Variants in TMEM135 observed in about 807,000 individuals in gnomAD.
The protein encoded by TMEM135 is transmembrane protein 135.
Under a neutral mutation model 60.3 loss-of-function variants are expected in TMEM135, and 30 were observed. That is an observed-to-expected ratio of 0.50 (90% CI 0.37 to 0.68). TMEM135 has a LOEUF of 0.68. Ranked by LOEUF, TMEM135 falls within the 30% of genes least tolerant of loss-of-function variation. TMEM135 has a pLI of 0.00. For synonymous variants in TMEM135, 190 were observed against 186.7 expected, an observed-to-expected ratio of 1.02 and a Z score of -0.14; for missense variants, 468 against 548.8, an observed-to-expected ratio of 0.85 and a Z score of 1.47.
chr11:87,157,074 G>C (rs1393445014), intron 4 of TMEM135, among the ~76,000 whole-genome samples: 1 of 137,876 alleles, frequency 7.3e-6, no homozygotes, highest in Non-Finnish European at 1.6e-5. Context: ...TCTTTCTTTT[G>C]TTTTTTTTTT....
chr11:87,149,970 A>C (rs1179889716), intron 4 of TMEM135, among the ~76,000 whole-genome samples: 1 of 152,200 alleles, frequency 6.6e-6, no homozygotes, highest in East Asian at 1.9e-4. Context: ...TAATCCCAGC[A>C]CTTTGGGAGG....
intron 5 of TMEM135, among the ~76,000 whole-genome samples, chr11:87,176,403 A>G (rs539597477): frequency 6.6e-6 from 1 of 152,116 alleles, no homozygotes; most frequent in Non-Finnish European, 1.5e-5. Flanking sequence ...CTGCAGAACC[A>G]TGAGCCAAAT....
intron 4 of TMEM135, among the ~76,000 whole-genome samples, chr11:87,114,805 G>C (rs922228347): frequency 2.0e-5 from 3 of 152,170 alleles, no homozygotes; most frequent in African/African-American, 7.2e-5. Context: ...GAGGGGCATA[G>C]CTGTACAGGA....
At chr11:87,309,969 T>G (rs1368229555) in intron 10 of TMEM135, among the ~76,000 whole-genome samples, 2 of 152,174 alleles carry the variant, frequency 1.3e-5, no homozygotes, top group African/African-American at 4.8e-5. Context: ...TATGAATTTT[T>G]TGGATATTTC....
chr11:87,299,115 A>T (rs1450827657), intron 7 of TMEM135, among the ~76,000 whole-genome samples: 2 of 152,130 alleles, frequency 1.3e-5, no homozygotes, highest in South Asian at 4.2e-4. Context: ...AAAACCAAAA[A>T]ACCACAAAAC....
At chr11:87,164,037 G>C (rs1234202925) in intron 5 of TMEM135, among the ~76,000 whole-genome samples, 1,434 of 138,440 alleles carry the variant, frequency 0.01, 27 homozygotes, top group East Asian at 0.05. Context: ...AAGCTCTTTA[G>C]TTTAATCAGA....
At chr11:87,163,284 G>C (rs1270189206) in intron 5 of TMEM135, among the ~76,000 whole-genome samples, 1 of 141,970 alleles carries the variant, frequency 7.0e-6, no homozygotes, top group Non-Finnish European at 1.5e-5. Context: ...GAGAATATGC[G>C]GTGTTTGGTT....
intron 5 of TMEM135, among the ~76,000 whole-genome samples, chr11:87,177,247 T>C (rs963665603): frequency 2.0e-5 from 3 of 152,130 alleles, no homozygotes; most frequent in Admixed American, 6.6e-5. Context: ...TACATCCTAC[T>C]TGTGAGATTT....
In TMEM135 at chr11:87,166,660, C is replaced by T. The variant is rs985042153; in HGVS notation, c.462+9254C>T. 4.0e-5 allele frequency among the ~76,000 whole-genome samples: 6 copies of T among 151,486 alleles called. 1 individual carries two copies. Among genetic ancestry groups the T allele is most frequent in the Non-Finnish European group, 8.8e-5 (6 of 68,002 alleles). On this transcript the variant is annotated intron_variant, in intron 5 of 14. Transcript: ENST00000305494. ...GAGGCCTCTGTTCTGTTCCATTGGC[C>T]TATATATCTGTTTTGGTACCAGTAC...
chr11:87,152,268 T>C (rs1454165300), intron 4 of TMEM135, among the ~76,000 whole-genome samples: 1 of 152,220 alleles, frequency 6.6e-6, no homozygotes, highest in Non-Finnish European at 1.5e-5. Context: ...TTCTTTGTGG[T>C]TTATACTCTT....
At chr11:87,250,356 G>T (rs1030227040) in intron 6 of TMEM135, among the ~76,000 whole-genome samples, 1 of 151,794 alleles carries the variant, frequency 6.6e-6, no homozygotes, top group Non-Finnish European at 1.5e-5. Context: ...TGCTTTTCTA[G>T]TTCTTTAAGA....
chr11:87,193,224 T>G (rs1591092308), intron 5 of TMEM135, among the ~76,000 whole-genome samples: 1 of 152,260 alleles, frequency 6.6e-6, no homozygotes, highest in Middle Eastern at 3.4e-3. Flanking sequence ...AGGTACCTGC[T>G]CTTGAGGAGC....
At chr11:87,085,091 G>A (rs549672572) in intron 3 of TMEM135, among the ~76,000 whole-genome samples, 4 of 152,300 alleles carry the variant, frequency 2.6e-5, no homozygotes, top group Admixed American at 6.5e-5. Context: ...TCAGTTTTTC[G>A]TAGTGCTTAA....
intron 2 of TMEM135, among the ~76,000 whole-genome samples, chr11:87,070,511 G>A (rs1035072790): frequency 1.3e-5 from 2 of 152,098 alleles, no homozygotes; most frequent in Non-Finnish European, 2.9e-5. Flanking sequence ...GCAAGCGCCT[G>A]TAATCCCAGC....
chr11:87,309,401 A>T, intron 9 of TMEM135, 104 bp from the exon 10 acceptor site: 1 of 1,199,372 alleles, frequency 8.3e-7, no homozygotes, highest in Non-Finnish European at 1.2e-6. Flanking sequence ...AACTTAGATT[A>T]AATTTGTTTT....
chr11:87,251,581 C>T (rs373496198), intron 6 of TMEM135, among the ~76,000 whole-genome samples: 5 of 138,892 alleles, frequency 3.6e-5, no homozygotes, highest in East Asian at 2.0e-4. Context: ...AAAATAAGAA[C>T]GATATTTTAT....
intron 1 of TMEM135, among the ~76,000 whole-genome samples, chr11:87,040,921 CCTTGA>C (rs962474914): frequency 6.6e-5 from 10 of 151,740 alleles, no homozygotes; most frequent in Non-Finnish European, 1.3e-4. Flanking sequence ...AGTAGGTGGC[CCTTGA>C]CTTGTGCCTT....
At chr11:87,130,068 A>C (rs1257248147) in intron 4 of TMEM135, among the ~76,000 whole-genome samples, 1 of 151,976 alleles carries the variant, frequency 6.6e-6, no homozygotes. Context: ...ATTTCTTAGG[A>C]TACAAGTAGC....
rs139291619 is a variant in TMEM135 at position 87,152,728 on chromosome 11, C to T, written c.397-4613C>T. Among the ~76,000 whole-genome samples, 241 of 152,330 alleles carry T rather than the reference C, an allele frequency of 1.6e-3. 2 individuals carry two copies. The highest frequency in any genetic ancestry group is 1.4e-3 in the Non-Finnish European group (98 of 68,020). On this transcript the variant is annotated intron_variant, in intron 4 of 14. Coordinates refer to ENST00000305494, the MANE Select transcript of TMEM135 (RefSeq NM_022918.4). ...TGCTGGGATTACAGGCATGAGCCACCGCATCCGGCCCTTATGTTATTTTTG... is the reference window on the plus strand; with the variant it reads ...TGCTGGGATTACAGGCATGAGCCACTGCATCCGGCCCTTATGTTATTTTTG...
Sources: allele counts gnomAD v4.1 joint callset (sites outside exome capture counted in the v4.1 genomes callset), GRCh38; gene constraint gnomAD v4.1.1; transcripts MANE v1.5; gene names NCBI Gene and HGNC (gene_info 2026-07-23, HGNC 2026-07-21).